Variants in CCDC18 observed in about 807,000 individuals in gnomAD.
CCDC18 encodes coiled-coil domain containing 18, also known as coiled-coil domain-containing protein 18.
A neutral mutation model predicts 196.0 loss-of-function variants in CCDC18; 157 were observed. The observed-to-expected ratio is 0.80, with a 90% confidence interval of 0.70 to 0.91. The LOEUF is 0.91. CCDC18 is among the 40% of genes least tolerant of loss of function. The pLI, the probability that CCDC18 is intolerant of heterozygous loss-of-function variation, is 0.00. For synonymous variants in CCDC18, 482 were observed against 529.2 expected, an observed-to-expected ratio of 0.91 and a Z score of 1.22; for missense variants, 1,465 against 1,611.6, an observed-to-expected ratio of 0.91 and a Z score of 1.56.
chr1:93,202,569 T>C (rs564526574), intron 7 of CCDC18, among the ~76,000 whole-genome samples: 2 of 152,298 alleles, frequency 1.3e-5, no homozygotes, highest in South Asian at 4.1e-4. Context: ...GATACTAATA[T>C]GGGAGACTTC....
chr1:93,236,502 T>C, intron 19 of CCDC18, 112 bp downstream of exon 19: 2 of 974,900 alleles, frequency 2.1e-6, no homozygotes, highest in East Asian at 2.8e-5. Flanking sequence ...AATGTCTCCA[T>C]AGTCTGTGTT....
chr1:93,207,246 A>G lies in CCDC18; in HGVS notation c.1057A>G (p.Ile353Val). The change falls in exon 9 of 29, where the codon ATA becomes GTA. Residue 353 changes from isoleucine to valine, a missense_variant. Transcript: ENST00000690025. ...LESELENKDE[I>V]LRDKFSLMNE... ...GAGTGAGTTAGAGAACAAAGACGAA[A>G]TACTTAGAGACAAATTTTCTTTAAT... 8 of 1,613,838 alleles carry G rather than the reference A, an allele frequency of 5.0e-6. No individual in the cohort carries two copies. The highest frequency in any genetic ancestry group is 6.8e-6 in the Non-Finnish European group (8 of 1,179,812).
intron 19 of CCDC18, among the ~76,000 whole-genome samples, chr1:93,237,712 C>T (rs55741554): frequency 0.089 from 13,527 of 152,036 alleles, 1,971 homozygotes; most frequent in African/African-American, 0.31. Flanking sequence ...CTTTAGACGG[C>T]CTGACTTACT....
chr1:93,261,410 C>G (rs1242851941), intron 26 of CCDC18, among the ~76,000 whole-genome samples: 2 of 151,980 alleles, frequency 1.3e-5, no homozygotes, highest in Non-Finnish European at 2.9e-5. Context: ...AATACATTGA[C>G]CATTTTCTTT....
At position 93,232,562 on chromosome 1, in the gene CCDC18, T is replaced by C; in HGVS notation, c.2429T>C (p.Leu810Pro). 1.2e-6 allele frequency: 2 copies of C among 1,609,596 alleles called. No homozygotes were observed. Among genetic ancestry groups the C allele is most frequent in the East Asian group, 2.2e-5 (1 of 44,764 alleles). The change falls in exon 18 of 29, where the codon CTA (leucine) becomes CCA (proline). Residue 810 changes from leucine (L) to proline (P), a missense_variant. Coordinates refer to ENST00000690025, the MANE Select transcript of CCDC18 (RefSeq NM_001378204.1). The part of the protein sequence containing the change: ...LQQETIRNGE[L>P]EDTQTKLEKQ... ...CAAGAGACAATTAGAAATGGAGAGC[T>C]AGAAGATACTCAAACTAAACTTGAA...
intron 16 of CCDC18, among the ~76,000 whole-genome samples, chr1:93,222,281 G>A (rs142027419): frequency 2.2e-4 from 33 of 151,880 alleles, no homozygotes; most frequent in African/African-American, 7.0e-4. Flanking sequence ...TCTTTAGAGC[G>A]AATTATGATC....
chr1:93,255,787 A>G (rs1557697462), intron 24 of CCDC18, among the ~76,000 whole-genome samples: 1 of 145,472 alleles, frequency 6.9e-6, no homozygotes, highest in Non-Finnish European at 1.5e-5. Context: ...AAGAAGAGGA[A>G]GAAGAAGGAG....
rs958264267 is a variant in CCDC18 at position 93,215,075 on chromosome 1, T to A, written c.1719+109T>A. On this transcript the variant is annotated intron_variant, in intron 12 of 28. Coordinates refer to ENST00000690025, the MANE Select transcript of CCDC18 (RefSeq NM_001378204.1). Reference sequence around the variant, plus strand: ...TGTTTACATCCAGATTTAAAGTTTTTAAAAAATGGTACCACATAAGTTATA... The same window carrying A: ...TGTTTACATCCAGATTTAAAGTTTTAAAAAAATGGTACCACATAAGTTATA... 5 of 598,248 alleles carry A rather than the reference T, an allele frequency of 8.4e-6. No homozygotes were observed. The African/African-American group carries it at 9.4e-5, about 11-fold the overall frequency. The allele number at this position is 598,248 out of a possible 1,614,324, so 37.1% of individuals were successfully genotyped here.
chr1:93,233,928 ACTCTCCATCC>A (rs1659629066), intron 18 of CCDC18, among the ~76,000 whole-genome samples: 1 of 149,806 alleles, frequency 6.7e-6, no homozygotes, highest in Admixed American at 6.6e-5. Flanking sequence ...TCTTCCTGTG[ACTCTCCATCC>A]CTTTTGTTAA....
In CCDC18 at chr1:93,256,361, T is replaced by C; in HGVS notation, c.3369T>C (p.Ile1123=). 1 of 1,614,086 alleles carries C rather than the reference T, an allele frequency of 6.2e-7. No individual in the cohort carries two copies. Among genetic ancestry groups the C allele is most frequent in the South Asian group, 1.1e-5 (1 of 91,076 alleles). Residue 1123 remains isoleucine (I), a synonymous_variant, in exon 25 of 29, where the codon ATT becomes ATC. Transcript: ENST00000690025. ...TTATGAAAGAGCAAGAACAGTACATTGCCACTCAGTACAAGGAGGCCATAG... is the reference window on the plus strand; with the variant it reads ...TTATGAAAGAGCAAGAACAGTACATCGCCACTCAGTACAAGGAGGCCATAG... ...ESVMKEQEQY[I]ATQYKEAIDL... is the part of the protein sequence containing the mutation.
intron 26 of CCDC18, 77 bp downstream of exon 26, chr1:93,258,962 C>T: frequency 8.4e-7 from 1 of 1,185,170 alleles, no homozygotes; most frequent in Middle Eastern, 2.1e-4. Context: ...ATGAGTCCAG[C>T]TCTTAAGTGT....
chr1:93,261,728 C>T (rs1663822615), intron 26 of CCDC18, among the ~76,000 whole-genome samples: 2 of 151,978 alleles, frequency 1.3e-5, no homozygotes. Context: ...AACCCATCCC[C>T]CATATTCACA....
chr1:93,199,598 T>G (rs1446281711), intron 6 of CCDC18, among the ~76,000 whole-genome samples: 1 of 152,206 alleles, frequency 6.6e-6, no homozygotes, highest in Non-Finnish European at 1.5e-5. Flanking sequence ...GGGGGCGTGT[T>G]TCAGCCATTT....
chr1:93,274,859 C>T (rs1665544205), intron 28 of CCDC18, among the ~76,000 whole-genome samples: 1 of 152,166 alleles, frequency 6.6e-6, no homozygotes, highest in Non-Finnish European at 1.5e-5. Context: ...TATTGTTAAA[C>T]TTAAAGATTG....
At chr1:93,182,425 C>G (rs1649884242) in intron 1 of CCDC18, among the ~76,000 whole-genome samples, 1 of 152,116 alleles carries the variant, frequency 6.6e-6, no homozygotes, top group Non-Finnish European at 1.5e-5. Flanking sequence ...CCTTTTGGAA[C>G]TTGGGATGGG....
intron 14 of CCDC18, 60 bp from the exon 15 acceptor site, chr1:93,221,549 T>A: frequency 8.6e-7 from 1 of 1,158,188 alleles, no homozygotes; most frequent in South Asian, 1.9e-5. Context: ...ATGTATTTAA[T>A]ATTTAAAATG....
At chr1:93,181,464 TC>T (rs1245440044) in intron 1 of CCDC18, among the ~76,000 whole-genome samples, 1 of 152,200 alleles carries the variant, frequency 6.6e-6, no homozygotes, top group Non-Finnish European at 1.5e-5. Context: ...GATGTGCTTT[TC>T]TAGGTATGCA....
intron 27 of CCDC18, chr1:93,269,622 T>C (rs1162938076): frequency 6.6e-6 from 1 of 152,170 alleles, no homozygotes; most frequent in Non-Finnish European, 1.5e-5. Flanking sequence ...TAGAAATATA[T>C]ATCTTATGGA....
chr1:93,264,647 C>A, intron 26 of CCDC18, 54 bp from the exon 27 acceptor site: 3 of 1,063,816 alleles, frequency 2.8e-6, no homozygotes, highest in Non-Finnish European at 1.4e-6. Flanking sequence ...TTGTCGAATC[C>A]AGTTTCCTTC....
Sources: gnomAD v4.1 joint callset for allele counts (sites outside exome capture counted in the v4.1 genomes callset) on GRCh38, gnomAD v4.1.1 for gene constraint, MANE v1.5 for transcripts, NCBI Gene and HGNC (gene_info 2026-07-23, HGNC 2026-07-21) for gene names.